Variants in SYCP1 observed in about 807,000 individuals in gnomAD.
SYCP1 encodes synaptonemal complex protein 1.
Under a neutral mutation model 153.1 loss-of-function variants are expected in SYCP1, and 64 were observed. The ratio of observed to expected loss-of-function variants is 0.42; its 90% CI spans 0.34 to 0.51. SYCP1 has a LOEUF of 0.51. Ranked by LOEUF, SYCP1 falls within the 20% of genes least tolerant of loss-of-function variation. SYCP1 has a pLI of 0.06. For synonymous variants in SYCP1, 384 were observed against 341.8 expected (o/e 1.12, Z -1.36); for missense variants, 997 against 1,049.0 (o/e 0.95, Z 0.68).
At chr1:114,950,180 C>A (rs978341234) in intron 27 of SYCP1, among the ~76,000 whole-genome samples, 4 of 152,184 alleles carry the variant, frequency 2.6e-5, no homozygotes, top group African/African-American at 9.7e-5. Flanking sequence ...TTAAGAGACA[C>A]CACATCGTCT....
intron 27 of SYCP1, among the ~76,000 whole-genome samples, chr1:114,961,315 T>C (rs967866374): frequency 4.6e-5 from 7 of 152,214 alleles, no homozygotes; most frequent in South Asian, 2.1e-4. Context: ...CATTTATCTT[T>C]TGTATTTTTT....
At position 114,878,003 on chromosome 1, in the gene SYCP1, G is replaced by A. The variant is rs556993421; in HGVS notation, c.802-91G>A. 2.9e-5 allele frequency: 22 copies of A among 758,802 alleles called. No individual in the cohort carries two copies. The East Asian group carries it at 6.5e-4, about 23-fold the overall frequency. The allele number at this position is 758,802 out of a possible 1,614,324, so 47.0% of individuals were successfully genotyped here. A position where few individuals can be genotyped will look rare whatever the true frequency, so the allele number is the denominator to read the frequency against. ...AAGTGGACCAGCTGAAAAGCATGTAGACAAGTACATAAAATAATTGTAGGT... is the reference window on the plus strand; with the variant it reads ...AAGTGGACCAGCTGAAAAGCATGTAAACAAGTACATAAAATAATTGTAGGT... On this transcript the variant is annotated intron_variant, in intron 11 of 31. Transcript: ENST00000369522.
At chr1:114,883,984 C>A (rs762527780) in intron 12 of SYCP1, among the ~76,000 whole-genome samples, 1 of 152,228 alleles carries the variant, frequency 6.6e-6, no homozygotes, top group African/African-American at 2.4e-5. Context: ...AACCACCGGG[C>A]CTGGCCCAGA....
At chr1:114,866,241 T>C (rs1664735022) in intron 8 of SYCP1, among the ~76,000 whole-genome samples, 1 of 152,220 alleles carries the variant, frequency 6.6e-6, no homozygotes, top group South Asian at 2.1e-4. Context: ...TGTTTAGTTT[T>C]GTAAGAAATT....
intron 9 of SYCP1, among the ~76,000 whole-genome samples, chr1:114,875,691 C>G (rs1158379282): frequency 6.6e-6 from 1 of 152,162 alleles, no homozygotes; most frequent in Non-Finnish European, 1.5e-5. Flanking sequence ...ATGCTGCCAG[C>G]TGATGGAAGT....
In SYCP1 at chr1:114,984,798, G is replaced by C; in HGVS notation, c.2633G>C (p.Ser878Thr). 6.6e-7 allele frequency: 1 copy of C among 1,507,430 alleles called. No homozygotes were observed. Among genetic ancestry groups the C allele is most frequent in the Non-Finnish European group, 8.9e-7 (1 of 1,127,698 alleles). 93.4% of individuals were successfully genotyped at this position (1,507,430 alleles called of 1,614,324 possible). ...AACTTGAATATACCCATTGAAGAAA[G>C]TAAAAAAAAGAGAAAAATGGCCTTT... is the stretch of plus-strand genomic sequence containing the variant. ...RENLNIPIEE[S>T]KKKRKMAFEF... Residue 878 changes from serine to threonine, a missense_variant, in exon 30 of 32, where the codon AGT becomes ACT. Coordinates refer to ENST00000369522, the MANE Select transcript of SYCP1 (RefSeq NM_003176.4).
chr1:114,990,588 A>G (rs1673853625), intron 30 of SYCP1, among the ~76,000 whole-genome samples: 1 of 151,840 alleles, frequency 6.6e-6, no homozygotes, highest in African/African-American at 2.4e-5. Context: ...ACCTTTAGCT[A>G]GAGAGAGAGA....
intron 12 of SYCP1, among the ~76,000 whole-genome samples, chr1:114,881,054 T>TAC (rs199813501): frequency 0.31 from 24,169 of 77,542 alleles, 2,463 homozygotes; most frequent in Non-Finnish European, 0.38. Context: ...AATTTGTGTA[T>TAC]ATACACACAC....
intron 29 of SYCP1, 70 bp from the exon 30 acceptor site, chr1:114,984,655 T>C: frequency 1.7e-6 from 2 of 1,201,336 alleles, no homozygotes; most frequent in African/African-American, 1.6e-5. Flanking sequence ...TAAAATTATT[T>C]GTGAAACCCT....
At chr1:114,918,561 A>C (rs1242208066) in intron 20 of SYCP1, among the ~76,000 whole-genome samples, 1 of 152,080 alleles carries the variant, frequency 6.6e-6, no homozygotes, top group East Asian at 1.9e-4. Context: ...ATTGCATTGA[A>C]TCTGTAGACT....
chr1:114,967,303 G>T (rs1288416259), intron 27 of SYCP1, among the ~76,000 whole-genome samples: 4 of 152,130 alleles, frequency 2.6e-5, no homozygotes, highest in African/African-American at 7.2e-5. Flanking sequence ...TACTGTGTGG[G>T]AGTCTAAGTC....
At chr1:114,977,429 A>G (rs1270231119) in intron 27 of SYCP1, 128 bp from the exon 28 acceptor site, 2 of 566,804 alleles carry the variant, frequency 3.5e-6, no homozygotes, top group South Asian at 2.8e-5. Context: ...TTTTCTTTTT[A>G]TTACTTTATA....
intron 12 of SYCP1, among the ~76,000 whole-genome samples, chr1:114,880,231 C>T (rs1665826136): frequency 6.6e-6 from 1 of 152,184 alleles, no homozygotes. Flanking sequence ...AAGAACTCAC[C>T]ATCCAAGAAC....
chr1:114,902,627 C>T (rs1352860332), intron 16 of SYCP1, among the ~76,000 whole-genome samples: 4 of 150,396 alleles, frequency 2.7e-5, no homozygotes, highest in Admixed American at 2.6e-4. Flanking sequence ...GCAGGCTTAT[C>T]GGAGGTTCTC....
At chr1:114,982,274 C>T (rs1300336274) in intron 29 of SYCP1, among the ~76,000 whole-genome samples, 1 of 151,956 alleles carries the variant, frequency 6.6e-6, no homozygotes, top group African/African-American at 2.4e-5. Flanking sequence ...GAGTTCCTGC[C>T]TCACTTGTCT....
intron 9 of SYCP1, among the ~76,000 whole-genome samples, chr1:114,875,408 A>T (rs962129295): frequency 1.3e-5 from 2 of 151,742 alleles, no homozygotes; most frequent in East Asian, 3.9e-4. Flanking sequence ...TACAGGGGAC[A>T]GCCACTACGC....
intron 29 of SYCP1, among the ~76,000 whole-genome samples, chr1:114,983,151 C>G (rs1209800582): frequency 6.6e-6 from 1 of 151,938 alleles, no homozygotes; most frequent in Non-Finnish European, 1.5e-5. Context: ...TAGAGAATCT[C>G]AAGATTAGCC....
Position 114,946,361 on chromosome 1 carries a change from T to G in SYCP1, c.2227T>G (p.Ser743Ala), listed in dbSNP as rs767347384. Residue 743 changes from serine to alanine, a missense_variant, in exon 26 of 32, where the codon TCA (serine) becomes GCA (alanine). Physicochemically the swap from Ser to Ala is moderately conservative, Grantham distance 99. This residue lies in a region of SYCP1 where 712 missense variants were observed against 682.9 expected (regional missense o/e 1.04). Transcript: ENST00000369522. ...GLYKSKEQEQ[S>A]SLRASLEIEL... ...TTATAAGAGCAAAGAACAAGAACAGTCATCACTGAGAGCATCTTTGGTGAG... is the reference window on the plus strand; with the variant it reads ...TTATAAGAGCAAAGAACAAGAACAGGCATCACTGAGAGCATCTTTGGTGAG... 1 of 1,587,792 alleles carries G rather than the reference T, an allele frequency of 6.3e-7. No individual in the cohort carries two copies. The highest frequency in any genetic ancestry group is 1.8e-5 in the Admixed American group (1 of 54,696).
chr1:114,982,823 A>C (rs1234120644), intron 29 of SYCP1, among the ~76,000 whole-genome samples: 1 of 151,962 alleles, frequency 6.6e-6, no homozygotes, highest in Non-Finnish European at 1.5e-5. Flanking sequence ...TGGCCATTTA[A>C]AAATATAACA....
Sources: allele counts gnomAD v4.1 joint callset (sites outside exome capture counted in the v4.1 genomes callset), GRCh38; gene constraint gnomAD v4.1.1; regional missense constraint gnomAD v4.1.1; transcripts MANE v1.5; gene names NCBI Gene and HGNC (gene_info 2026-07-23, HGNC 2026-07-21).